The following GC variants were observed in gnomAD, a reference collection of about 807,000 sequenced individuals.
GC encodes vitamin D-binding protein.
In GC, 43 loss-of-function variants were observed where a neutral mutation model predicts 56.7. The observed-to-expected ratio is 0.76, with a 90% CI of 0.59 to 0.98. GC has a LOEUF of 0.98. Ranked by LOEUF, GC falls within the 50% of genes least tolerant of loss-of-function variation. GC has a pLI of 0.00. For missense variants in GC, 529 were observed against 545.9 expected (o/e 0.97, Z 0.31); for synonymous variants, 216 against 202.7 (o/e 1.07, Z -0.56).
intron 1 of GC, among the ~76,000 whole-genome samples, chr4:71,803,404 A>G (rs531386990): frequency 9.7e-4 from 148 of 152,340 alleles, no homozygotes; most frequent in African/African-American, 3.5e-3. Context: ...CATGAGTTTC[A>G]CTTCAAATGT....
intron 12 of GC, 145 bp from the exon 13 acceptor site, chr4:71,742,015 C>A: frequency 1.6e-6 from 1 of 639,910 alleles, no homozygotes; most frequent in South Asian, 1.8e-5. Flanking sequence ...CCCATATATC[C>A]ACTATGGCCC....
At chr4:71,803,273 A>G (rs1467033574) in intron 1 of GC, among the ~76,000 whole-genome samples, 2 of 152,170 alleles carry the variant, frequency 1.3e-5, no homozygotes, top group African/African-American at 4.8e-5. Context: ...ACATAAAAAG[A>G]GCTAGTAAAG....
intron 11 of GC, among the ~76,000 whole-genome samples, chr4:71,747,887 T>C (rs1016703549): frequency 6.6e-6 from 1 of 152,066 alleles, no homozygotes; most frequent in East Asian, 1.9e-4. Flanking sequence ...GGAAGTGAGA[T>C]GGATAAAATT....
intron 1 of GC, among the ~76,000 whole-genome samples, chr4:71,779,076 C>T (rs542730250): frequency 2.6e-5 from 4 of 151,726 alleles, no homozygotes; most frequent in African/African-American, 9.7e-5. Context: ...AGCCACCAAT[C>T]TTTAAGGAAC....
intron 12 of GC, among the ~76,000 whole-genome samples, chr4:71,743,977 A>G (rs983588485): frequency 6.6e-6 from 1 of 152,210 alleles, no homozygotes; most frequent in African/African-American, 2.4e-5. Context: ...TCAAAGGATT[A>G]ATTAAAGGCC....
At position 71,758,052 on chromosome 4, in the gene GC, A is replaced by G; in HGVS notation, c.821T>C (p.Met274Thr). 1.9e-6 allele frequency: 3 copies of G among 1,613,326 alleles called. No individual in the cohort carries two copies. Among genetic ancestry groups the G allele is most frequent in the Non-Finnish European group, 2.5e-6 (3 of 1,179,504 alleles). The change falls in exon 7 of 13, where the codon ATG becomes ACG. Residue 274 changes from methionine (M) to threonine (T), a missense_variant. By Grantham distance (81) the Met-to-Thr change is moderately conservative. Transcript: ENST00000273951. ...TAAAGCTTGTCTTACCTCTTTGGCC[A>G]TGCAATCTTCAGAGGCAGACTCACA... ...KCCESASEDC[M>T]AKELPEHTVK...
upstream of GC, chr4:71,784,192 A>G: frequency 7.6e-7 from 1 of 1,307,738 alleles, no homozygotes; most frequent in Non-Finnish European, 9.8e-7. Context: ...AGGGGCTGTT[A>G]TCTTTGGCCC....
chr4:71,798,590 C>T (rs958789936), intron 1 of GC, among the ~76,000 whole-genome samples: 1 of 152,120 alleles, frequency 6.6e-6, no homozygotes, highest in East Asian at 1.9e-4. Flanking sequence ...TCCCAAGCAC[C>T]TCTAACTGGG....
intron 7 of GC, 75 bp downstream of exon 7, chr4:71,757,967 G>C: frequency 1.6e-6 from 2 of 1,252,590 alleles, no homozygotes; most frequent in Admixed American, 2.0e-5. Context: ...ATAGAACTTA[G>C]AAGAGTACCT....
In GC at chr4:71,796,809, C is replaced by T. The variant is rs113696674; in HGVS notation, c.21+7117G>A. ...CTCCCCATCTTTGTGGTTTTGTCTA[C>T]CTTTGATCTTTGATGTTGGTGACCT... On this transcript the variant is annotated intron_variant, in intron 1 of 13. Transcript: ENST00000504199. 1.8e-4 allele frequency among the ~76,000 whole-genome samples: 27 copies of T among 152,252 alleles called. 2 individuals are homozygous for T. The highest frequency in any genetic ancestry group is 6.3e-4 in the African/African-American group (26 of 41,542).
chr4:71,792,942 G>C (rs1743007669), intron 1 of GC, among the ~76,000 whole-genome samples: 1 of 152,058 alleles, frequency 6.6e-6, no homozygotes, highest in Non-Finnish European at 1.5e-5. Flanking sequence ...GCTTGTTTTT[G>C]TCTGGTTTGT....
chr4:71,804,719 G>C (rs113387725), upstream of GC, among the ~76,000 whole-genome samples: 1 of 152,150 alleles, frequency 6.6e-6, no homozygotes, highest in South Asian at 2.1e-4. Flanking sequence ...AAAGTAATGG[G>C]TTCATATACC....
At chr4:71,786,865 C>T (rs1322719713), upstream of GC, among the ~76,000 whole-genome samples, 2 of 151,878 alleles carry the variant, frequency 1.3e-5, no homozygotes, top group African/African-American at 4.8e-5. Flanking sequence ...GTGTTCTCTT[C>T]GTTCAGATTC....
chr4:71,759,901 G>A (rs1296291942), intron 6 of GC, among the ~76,000 whole-genome samples: 1 of 152,098 alleles, frequency 6.6e-6, no homozygotes, highest in Non-Finnish European at 1.5e-5. Flanking sequence ...AATATATATG[G>A]TGGCTTTATA....
chr4:71,764,731 A>T lies in GC; in HGVS notation c.473+701T>A, dbSNP rs190660070. 3.4e-3 allele frequency among the ~76,000 whole-genome samples: 515 copies of T among 152,276 alleles called. 3 individuals carry two copies. Among genetic ancestry groups the T allele is most frequent in the African/African-American group, 0.012 (499 of 41,560 alleles). On this transcript the variant is annotated intron_variant, in intron 4 of 12. Coordinates refer to ENST00000273951, the MANE Select transcript of GC (RefSeq NM_000583.4). ...ATTCTGGGCAAAATCCTCTTTGAAA[A>T]TTGACAGGAATGAGCAATCCTACTA...
chr4:71,754,184 G>A (rs997519489), intron 10 of GC, among the ~76,000 whole-genome samples: 1 of 152,224 alleles, frequency 6.6e-6, no homozygotes, highest in Middle Eastern at 3.4e-3. Flanking sequence ...ATCCAATAGG[G>A]AATTCCTTAT....
chr4:71,784,136 T>C, upstream of GC: 4 of 1,428,244 alleles, frequency 2.8e-6, no homozygotes, highest in South Asian at 5.1e-5. Context: ...ATTAATCAAT[T>C]ATTAATCTCA....
intron 1 of GC, among the ~76,000 whole-genome samples, chr4:71,777,211 A>G (rs1343097991): frequency 6.6e-6 from 1 of 151,840 alleles, no homozygotes; most frequent in Non-Finnish European, 1.5e-5. Flanking sequence ...TTTCTTATTA[A>G]ATCCCAGTAA....
chr4:71,796,556 C>T (rs139909486), intron 1 of GC, among the ~76,000 whole-genome samples: 111 of 152,258 alleles, frequency 7.3e-4, no homozygotes, highest in Non-Finnish European at 1.3e-3. Context: ...TCTAGTTAGC[C>T]ATTCATCTAA....
Sources: allele counts gnomAD v4.1 joint callset (sites outside exome capture counted in the v4.1 genomes callset), GRCh38; gene constraint gnomAD v4.1.1; transcripts MANE v1.5; gene names NCBI Gene and HGNC (gene_info 2026-07-23, HGNC 2026-07-21).